MALRD1: variants seen among roughly 807,000 people sequenced by gnomAD.
The protein encoded by MALRD1 is MAM and LDL-receptor class A domain-containing protein 1.
MALRD1 carries 247 observed loss-of-function variants against 242.1 expected under a neutral mutation model. The observed-to-expected ratio is 1.02, with a 90% CI of 0.92 to 1.13. The LOEUF (loss-of-function observed/expected upper bound fraction) is 1.13. MALRD1 is among the 50% of genes most tolerant of loss of function. The pLI, the probability that MALRD1 is intolerant of heterozygous loss-of-function variation, is 0.00. For synonymous variants in MALRD1, 995 were observed against 866.6 expected (o/e 1.15, Z -2.60); for missense variants, 2,989 against 2,533.1 (o/e 1.18, Z -3.86).
intron 1 of MALRD1, among the ~76,000 whole-genome samples, chr10:19,060,070 T>C (rs1248989210): frequency 6.6e-6 from 1 of 152,328 alleles, no homozygotes; most frequent in African/African-American, 2.4e-5. Context: ...AGTCTGGCAC[T>C]TTTTCTTCCC....
At chr10:19,732,814 C>A (rs908954334) in intron 39 of MALRD1, among the ~76,000 whole-genome samples, 3 of 152,172 alleles carry the variant, frequency 2.0e-5, no homozygotes, top group Non-Finnish European at 2.9e-5. Flanking sequence ...AAAGACCCAC[C>A]TTTCAACCTG....
chr10:19,065,984 A>G (rs1307468625), intron 1 of MALRD1, among the ~76,000 whole-genome samples: 1 of 152,132 alleles, frequency 6.6e-6, no homozygotes, highest in Non-Finnish European at 1.5e-5. Context: ...TAACCTTAAT[A>G]ATAATTCCTT....
At chr10:19,658,806 C>T (rs897152052) in intron 36 of MALRD1, among the ~76,000 whole-genome samples, 1 of 152,128 alleles carries the variant, frequency 6.6e-6, no homozygotes, top group African/African-American at 2.4e-5. Flanking sequence ...GTACCATTGG[C>T]CACAGTTGAA....
chr10:19,520,048 A>C (rs1286602982), intron 31 of MALRD1, among the ~76,000 whole-genome samples: 1 of 152,138 alleles, frequency 6.6e-6, no homozygotes, highest in East Asian at 1.9e-4. Context: ...ATCACCGTGC[A>C]CCTGACTCTG....
chr10:19,290,757 T>G (rs1841378812), intron 21 of MALRD1, among the ~76,000 whole-genome samples: 1 of 152,164 alleles, frequency 6.6e-6, no homozygotes, highest in South Asian at 2.1e-4. Flanking sequence ...AATTATTATT[T>G]GCTTATCATT....
chr10:19,382,761 G>A lies in MALRD1; in HGVS notation c.4442-4767G>A, dbSNP rs186689905. On this transcript the variant is annotated intron_variant, in intron 26 of 39. Coordinates refer to ENST00000454679, the MANE Select transcript of MALRD1 (RefSeq NM_001142308.3). ...ACTCATCAGAAGGCTCACTGAGTAGGAGCTGTTAGTATACTAGAATGTTTA... is the reference window on the plus strand; with the variant it reads ...ACTCATCAGAAGGCTCACTGAGTAGAAGCTGTTAGTATACTAGAATGTTTA... Among the ~76,000 whole-genome samples the A allele has an allele frequency of 8.6e-4, 131 of 152,160 alleles. 1 individual carries two copies. The highest frequency in any genetic ancestry group is 2.0e-3 in the Admixed American group (31 of 15,268).
intron 29 of MALRD1, among the ~76,000 whole-genome samples, chr10:19,481,328 A>T (rs571267724): frequency 6.6e-6 from 1 of 152,300 alleles, no homozygotes; most frequent in East Asian, 1.9e-4. Flanking sequence ...ATGTGCATTG[A>T]CCTTTAAACC....
Position 19,531,085 on chromosome 10 carries a change from A to G in MALRD1, c.5321-109A>G, listed in dbSNP as rs1031908271. 2.7e-5 allele frequency: 23 copies of G among 846,550 alleles called. No individual in the cohort carries two copies. The African/African-American group carries it at 4.0e-4, about 15-fold the overall frequency. The allele number at this position is 846,550 out of a possible 1,614,324, so 52.4% of individuals were successfully genotyped here. A position where few individuals can be genotyped will look rare whatever the true frequency, so the allele number is the denominator to read the frequency against. On this transcript the variant is annotated intron_variant, in intron 31 of 39. Coordinates refer to ENST00000454679, the MANE Select transcript of MALRD1 (RefSeq NM_001142308.3). ...CCAAAATCAAAATGAGTTCTGTTTGATTGTGTGTATGTATAAGGATAAAAA... is the reference window on the plus strand; with the variant it reads ...CCAAAATCAAAATGAGTTCTGTTTGGTTGTGTGTATGTATAAGGATAAAAA...
Position 19,294,470 on chromosome 10 carries a change from A to T in MALRD1, c.3419+11289A>T, listed in dbSNP as rs549279480. Among the ~76,000 whole-genome samples, 9 of 152,326 alleles carry T rather than the reference A, an allele frequency of 5.9e-5. No individual in the cohort carries two copies. The South Asian group carries it at 1.9e-3, about 32-fold the overall frequency. ...ATCAAACATTTTTATTGCCTAAAAGATTCATAGATTGTATTGACTAGGCAT... is the reference window on the plus strand; with the variant it reads ...ATCAAACATTTTTATTGCCTAAAAGTTTCATAGATTGTATTGACTAGGCAT... On this transcript the variant is annotated intron_variant, in intron 21 of 39. Coordinates refer to ENST00000454679, the MANE Select transcript of MALRD1 (RefSeq NM_001142308.3).
chr10:19,570,005 T>G (rs2131469397), intron 33 of MALRD1, among the ~76,000 whole-genome samples: 1 of 152,030 alleles, frequency 6.6e-6, no homozygotes, highest in Non-Finnish European at 1.5e-5. Flanking sequence ...GAAAACTGAT[T>G]GTGTGAACAA....
chr10:19,059,655 G>A (rs1303979639), intron 1 of MALRD1, among the ~76,000 whole-genome samples: 4 of 151,930 alleles, frequency 2.6e-5, no homozygotes, highest in African/African-American at 9.7e-5. Flanking sequence ...GCCTCCCAAA[G>A]TGCTGGGGTT....
At chr10:19,216,439 C>T (rs1462460188) in intron 18 of MALRD1, among the ~76,000 whole-genome samples, 1 of 151,730 alleles carries the variant, frequency 6.6e-6, no homozygotes, top group African/African-American at 2.4e-5. Context: ...TATTATTTTC[C>T]TCCTCTCTCA....
intron 30 of MALRD1, among the ~76,000 whole-genome samples, chr10:19,493,531 C>T (rs1050356675): frequency 2.0e-5 from 3 of 151,732 alleles, no homozygotes. Flanking sequence ...ATTCACCGGC[C>T]AGGCGCAGTG....
intron 18 of MALRD1, among the ~76,000 whole-genome samples, chr10:19,232,161 G>C (rs940929825): frequency 6.6e-6 from 1 of 151,834 alleles, no homozygotes; most frequent in African/African-American, 2.4e-5. Context: ...AGTAGAAGCA[G>C]GTTGTTAAGA....
intron 36 of MALRD1, among the ~76,000 whole-genome samples, chr10:19,663,322 C>G (rs1033889388): frequency 3.3e-5 from 5 of 152,096 alleles, no homozygotes. Context: ...TAATGGCCTC[C>G]AGGTTCATCC....
chr10:19,576,333 T>G (rs1366487665), intron 33 of MALRD1, among the ~76,000 whole-genome samples: 1 of 152,222 alleles, frequency 6.6e-6, no homozygotes, highest in Non-Finnish European at 1.5e-5. Flanking sequence ...TAAGTTACTC[T>G]ATCATCTTTA....
intron 30 of MALRD1, among the ~76,000 whole-genome samples, chr10:19,495,399 T>A (rs181853218): frequency 6.6e-6 from 1 of 150,490 alleles, no homozygotes; most frequent in Non-Finnish European, 1.5e-5. Flanking sequence ...CAGCAGTGAA[T>A]CTTTTACCTT....
At chr10:19,441,402 T>C (rs1834641711) in intron 28 of MALRD1, among the ~76,000 whole-genome samples, 1 of 152,214 alleles carries the variant, frequency 6.6e-6, no homozygotes, top group Admixed American at 6.5e-5. Flanking sequence ...GTTTTAGTCA[T>C]GAAGTCCTTT....
chr10:19,726,192 A>G (rs1201598312), intron 38 of MALRD1, among the ~76,000 whole-genome samples: 1 of 152,208 alleles, frequency 6.6e-6, no homozygotes, highest in Non-Finnish European at 1.5e-5. Context: ...AAAATATTCA[A>G]AAGTACGTAT....
Sources: gnomAD v4.1 joint callset for allele counts (sites outside exome capture counted in the v4.1 genomes callset) on GRCh38, gnomAD v4.1.1 for gene constraint, MANE v1.5 for transcripts, NCBI Gene and HGNC (gene_info 2026-07-23, HGNC 2026-07-21) for gene names.